ERC2: variants seen among roughly 807,000 people sequenced by gnomAD.
The protein encoded by ERC2 is ERC protein 2.
A neutral mutation model predicts 114.8 loss-of-function variants in ERC2; 42 were observed. That is an observed-to-expected ratio of 0.37 (90% CI 0.29 to 0.47). The LOEUF is 0.47. Ranked by LOEUF, ERC2 falls within the 20% of genes least tolerant of loss-of-function variation. The pLI, the probability that ERC2 is intolerant of heterozygous loss-of-function variation, is 0.99. For synonymous variants in ERC2, 454 were observed against 425.5 expected (o/e 1.07, Z -0.82); for missense variants, 939 against 1,150.7 (o/e 0.82, Z 2.66).
chr3:56,235,348 T>C (rs547732), intron 3 of ERC2, among the ~76,000 whole-genome samples: 2,665 of 152,344 alleles, frequency 0.017, 28 homozygotes, highest in Non-Finnish European at 0.027. Context: ...TAGTGATATT[T>C]GCTACTTGCC....
intron 2 of ERC2, among the ~76,000 whole-genome samples, chr3:56,346,097 T>C (rs2058296724): frequency 1.3e-5 from 2 of 152,190 alleles, no homozygotes; most frequent in Non-Finnish European, 2.9e-5. Flanking sequence ...TTTGATACAC[T>C]TCATCCATTC....
chr3:56,376,341 C>T (rs1455696834), intron 2 of ERC2, among the ~76,000 whole-genome samples: 1 of 152,054 alleles, frequency 6.6e-6, no homozygotes. Flanking sequence ...ACTAACAAGG[C>T]CCAGAATCTC....
intron 17 of ERC2, among the ~76,000 whole-genome samples, chr3:55,644,701 G>T (rs1559791443): frequency 6.6e-6 from 1 of 151,694 alleles, no homozygotes; most frequent in Non-Finnish European, 1.5e-5. Context: ...ATAATTTGGA[G>T]TTTGGTGTAG....
chr3:55,610,063 AC>A (rs778652635), intron 17 of ERC2, among the ~76,000 whole-genome samples: 14 of 106,792 alleles, frequency 1.3e-4, no homozygotes, highest in South Asian at 4.2e-4. Context: ...ACAAACACAA[AC>A]AAAAAAAAAA....
chr3:56,265,527 C>A lies in ERC2; in HGVS notation c.1074+30492G>T, dbSNP rs144632122. ...TAGAAGAAAATATAGGAAAAAACTT[C>A]TTGACATTGGTTGTAGCAATGATTT... On this transcript the variant is annotated intron_variant, in intron 3 of 17. Transcript: ENST00000288221. 3.9e-5 allele frequency among the ~76,000 whole-genome samples: 6 copies of A among 152,256 alleles called. 1 individual carries two copies. The highest frequency in any genetic ancestry group is 4.2e-4 in the South Asian group (2 of 4,818).
chr3:55,662,833 T>C (rs1180548385), intron 17 of ERC2, among the ~76,000 whole-genome samples: 2 of 152,198 alleles, frequency 1.3e-5, no homozygotes, highest in Non-Finnish European at 2.9e-5. Context: ...CTAAAATGAC[T>C]AACCTCTGAG....
intron 14 of ERC2, among the ~76,000 whole-genome samples, chr3:55,884,681 G>A (rs1022330216): frequency 2.6e-5 from 4 of 152,088 alleles, no homozygotes; most frequent in Non-Finnish European, 4.4e-5. Flanking sequence ...GTATTCACCA[G>A]GGCCTGGTGA....
chr3:55,863,545 A>C (rs1388972817), intron 14 of ERC2, among the ~76,000 whole-genome samples: 3 of 152,120 alleles, frequency 2.0e-5, no homozygotes, highest in Non-Finnish European at 4.4e-5. Flanking sequence ...TGGGCTCAGA[A>C]AATTCAAATT....
chr3:55,593,689 CA>C (rs2058007565), intron 17 of ERC2, among the ~76,000 whole-genome samples: 1 of 152,122 alleles, frequency 6.6e-6, no homozygotes, highest in Non-Finnish European at 1.5e-5. Context: ...TTTTATGGGC[CA>C]ATGAATTCCT....
intron 14 of ERC2, among the ~76,000 whole-genome samples, chr3:55,759,251 T>C (rs2148990565): frequency 6.6e-6 from 1 of 152,282 alleles, no homozygotes; most frequent in African/African-American, 2.4e-5. Context: ...CATTTCTTCT[T>C]GTCATTTTGA....
chr3:56,022,738 T>G (rs1196245329), intron 7 of ERC2, among the ~76,000 whole-genome samples: 1 of 151,896 alleles, frequency 6.6e-6, no homozygotes, highest in Non-Finnish European at 1.5e-5. Flanking sequence ...AAGGGAAGGG[T>G]TTTTTTGAGA....
intron 7 of ERC2, among the ~76,000 whole-genome samples, chr3:56,020,736 T>A (rs112933639): frequency 5.4e-4 from 82 of 152,288 alleles, no homozygotes; most frequent in African/African-American, 1.8e-3. Flanking sequence ...TTAGACCCAC[T>A]GGCCCACCCT....
At chr3:56,147,375 A>G (rs2081194977) in intron 5 of ERC2, among the ~76,000 whole-genome samples, 2 of 152,144 alleles carry the variant, frequency 1.3e-5, no homozygotes, top group Admixed American at 6.5e-5. Context: ...TCCTTGATCC[A>G]CGTTTTCAGC....
chr3:55,586,737 T>G (rs2107589356), intron 17 of ERC2, among the ~76,000 whole-genome samples: 1 of 152,372 alleles, frequency 6.6e-6, no homozygotes, highest in Middle Eastern at 3.4e-3. Flanking sequence ...CTTATTATTC[T>G]TTCTCTGCAT....
chr3:56,425,200 C>T (rs1222581721), intron 2 of ERC2, among the ~76,000 whole-genome samples: 1 of 152,122 alleles, frequency 6.6e-6, no homozygotes, highest in Non-Finnish European at 1.5e-5. Flanking sequence ...CTGCCCCAAC[C>T]ATCTCCCCAC....
At chr3:56,138,047 A>ATTTTTTTTTTTTTTTTTTTTTTTTT (rs2080616772) in intron 6 of ERC2, among the ~76,000 whole-genome samples, 1 of 114,390 alleles carries the variant, frequency 8.7e-6, no homozygotes, top group African/African-American at 3.2e-5. Context: ...TGAAAATGGT[A>ATTTTTTTTTTTTTTTTTTTTTTTTT]TTTCTTTTTT....
chr3:55,553,394 C>T (rs939395630), intron 17 of ERC2, among the ~76,000 whole-genome samples: 1 of 152,004 alleles, frequency 6.6e-6, no homozygotes, highest in South Asian at 2.1e-4. Context: ...CTGAACACCC[C>T]ACATTAAGAA....
intron 17 of ERC2, among the ~76,000 whole-genome samples, chr3:55,660,624 T>C (rs2061087301): frequency 6.6e-6 from 1 of 152,220 alleles, no homozygotes; most frequent in Non-Finnish European, 1.5e-5. Context: ...TTGTGAGTGT[T>C]TAGCAGGAGT....
intron 4 of ERC2, among the ~76,000 whole-genome samples, chr3:56,160,137 T>G (rs1202194308): frequency 6.6e-6 from 1 of 152,218 alleles, no homozygotes; most frequent in East Asian, 1.9e-4. Context: ...CGTTTCCATT[T>G]CTCCACAACC....
Sources: gnomAD v4.1 joint callset for allele counts (sites outside exome capture counted in the v4.1 genomes callset) on GRCh38, gnomAD v4.1.1 for gene constraint, MANE v1.5 for transcripts, NCBI Gene and HGNC (gene_info 2026-07-23, HGNC 2026-07-21) for gene names.